Variants in CHRD observed in about 807,000 individuals in gnomAD.
The protein encoded by CHRD is chordin.
CHRD carries 69 observed loss-of-function variants against 113.7 expected under a neutral mutation model. That is an observed-to-expected ratio of 0.61 (90% CI 0.50 to 0.74). The LOEUF (loss-of-function observed/expected upper bound fraction) is 0.74, where lower values mean the gene tolerates loss of function less well. CHRD is among the 30% of genes least tolerant of loss of function. The pLI is 0.00. For synonymous variants in CHRD, 561 were observed against 540.8 expected (o/e 1.04, Z -0.52); for missense variants, 1,194 against 1,295.8 (o/e 0.92, Z 1.21).
rs1039753772 is a variant in CHRD at position 184,384,798 on chromosome 3, G to A, written c.1597+105G>A. ...GTGTCTTTCTTTGTGCCTAAGCTCC[G>A]GTTGCCATCTGAAGGTGGGGACATA... On this transcript the variant is annotated intron_variant, in intron 13 of 22. Transcript: ENST00000204604. The surrounding 1 kb of genome is among the most constrained non-coding windows in gnomAD (Gnocchi z 4.4). 13 of 1,419,808 alleles carry A rather than the reference G, an allele frequency of 9.2e-6. No homozygotes were observed. The highest frequency in any genetic ancestry group is 2.9e-5 in the African/African-American group (2 of 69,834). The allele number at this position is 1,419,808 out of a possible 1,614,324, so 88.0% of individuals were successfully genotyped here.
In CHRD at chr3:184,387,079, G is replaced by A; in HGVS notation, c.2319G>A (p.Gly773=). 1 of 1,614,174 alleles carries A rather than the reference G, an allele frequency of 6.2e-7. No individual in the cohort carries two copies. Among genetic ancestry groups the A allele is most frequent in the Non-Finnish European group, 8.5e-7 (1 of 1,180,002 alleles). The change falls in exon 18 of 23, where the codon GGG becomes GGA. Residue 773 remains glycine, a synonymous_variant. Transcript: ENST00000204604. The surrounding 1 kb of genome is among the most constrained non-coding windows in gnomAD (Gnocchi z 6.1). ...AACAAGATGTCAGAGACTTGCCAGG[G>A]CTGCCAAGGAGCCGGGACCCAGGAG...
chr3:184,388,365 A>G lies in CHRD; in HGVS notation c.2555-222A>G, dbSNP rs1367944036. Among the ~76,000 whole-genome samples the G allele has an allele frequency of 2.0e-5, 3 of 149,496 alleles. No homozygotes were observed. The highest frequency in any genetic ancestry group is 5.0e-5 in the African/African-American group (2 of 40,206). On this transcript the variant is annotated intron_variant, in intron 20 of 22. Coordinates refer to ENST00000204604, the Ensembl canonical transcript of CHRD. The surrounding 1 kb of genome is among the most constrained non-coding windows in gnomAD (Gnocchi z 6.1). ...CATGCATCCATCCATCCCTCCATCC[A>G]TCCACCCATCCACCCATTGATGCAT... is the stretch of plus-strand genomic sequence containing the variant.
rs3064288 is a variant in CHRD, at chr3:184,388,237, G to GTCCATCCATCCATCCA, written c.2554+236_2554+251dup. ...GTTCTGGTTCCTGCTCCATCCATCCGTCCATCCATCCATCCATCCATCCAT... is the reference window on the plus strand; with the variant it reads ...GTTCTGGTTCCTGCTCCATCCATCCGTCCATCCATCCATCCATCCATCCATCCATCCATCCATCCAT... On this transcript the variant is annotated intron_variant, in intron 20 of 22. Coordinates refer to ENST00000204604, the Ensembl canonical transcript of CHRD. The surrounding 1 kb of genome is among the most constrained non-coding windows in gnomAD (Gnocchi z 6.1). 7.2e-6 allele frequency among the ~76,000 whole-genome samples: 1 copy of GTCCATCCATCCATCCA among 138,066 alleles called. No homozygotes were observed. The highest frequency in any genetic ancestry group is 2.4e-4 in the South Asian group (1 of 4,200). The allele number at this position is 138,066 out of a possible 152,430, so 90.6% of individuals were successfully genotyped here.
intron 14 of CHRD, among the ~76,000 whole-genome samples, chr3:184,385,458 G>C (rs1427515305): frequency 6.6e-6 from 1 of 152,064 alleles, no homozygotes; most frequent in African/African-American, 2.4e-5. Flanking sequence ...CCTGAGGTAG[G>C]AAGCTCAAGA....
At chr3:184,385,099 A>T (rs1394255373) in exon 14 of CHRD, 1 of 1,614,148 alleles carries the variant, frequency 6.2e-7, no homozygotes. Context: ...CTTTCCTTGG[A>T]TACCCACTGT....
At position 184,381,484 on chromosome 3, in the gene CHRD, C is replaced by G. The variant is rs754172359; in HGVS notation, c.383-12C>G. ...CCAGCTGAAGCCCGTGTTCTTACCC[C>G]CCCGCCCGCAGAGCGCAGCAGTTCG... On this transcript the variant is annotated splice_polypyrimidine_tract_variant and intron_variant, in intron 3 of 22. Transcript: ENST00000204604. This position sits in a 1 kb window ranked among gnomAD's most constrained non-coding sequence, Gnocchi z 4.7. 6.9e-6 allele frequency: 11 copies of G among 1,584,690 alleles called. No homozygotes were observed. In the Admixed American group the frequency reaches 1.9e-4, roughly 28 times the overall value.
At position 184,380,479 on chromosome 3, in the gene CHRD, C is replaced by G; in HGVS notation, c.148+13C>G. On this transcript the variant is annotated intron_variant, in intron 1 of 22. Coordinates refer to ENST00000204604, the Ensembl canonical transcript of CHRD. This position sits in a 1 kb window ranked among gnomAD's most constrained non-coding sequence, Gnocchi z 6.3. ...CGGGGAGCGGCAGGTAGGTGGGCGC[C>G]CGGGGGAGGCGCGGGCGGGGAGTCG... is the stretch of plus-strand genomic sequence containing the variant. 8.5e-7 allele frequency: 1 copy of G among 1,172,638 alleles called. No individual in the cohort carries two copies. Among genetic ancestry groups the G allele is most frequent in the Non-Finnish European group, 1.1e-6 (1 of 947,926 alleles). The allele number at this position is 1,172,638 out of a possible 1,614,324, so 72.6% of individuals were successfully genotyped here.
In CHRD at chr3:184,380,621, C is replaced by G; in HGVS notation, c.149-71C>G. 7.8e-7 allele frequency: 1 copy of G among 1,281,880 alleles called. No homozygotes were observed. The highest frequency in any genetic ancestry group is 1.7e-5 in the South Asian group (1 of 57,738). 79.4% of individuals were successfully genotyped at this position (1,281,880 alleles called of 1,614,324 possible). On this transcript the variant is annotated intron_variant, in intron 1 of 22. Transcript: ENST00000204604. This position sits in a 1 kb window ranked among gnomAD's most constrained non-coding sequence, Gnocchi z 6.3. ...GGGCGCGGTGCCTGGGACCCGGGAC[C>G]CGCGGGCAGCCCCCGGGGCGGCACA... is the stretch of plus-strand genomic sequence containing the variant.
chr3:184,382,645 G>T (rs1278802269), exon 8 of CHRD: 2 of 1,613,264 alleles, frequency 1.2e-6, no homozygotes, highest in Non-Finnish European at 1.7e-6. Flanking sequence ...GACCTTCAGT[G>T]CCATCCTGAC....
rs1184862027 is a variant in CHRD at position 184,380,779 on chromosome 3, T to C, written c.236T>C (p.Leu79Pro). The change falls in exon 2 of 23, where the codon CTG becomes CCG. Residue 79 changes from leucine (L) to proline (P), a missense_variant. Physicochemically the swap from Leu to Pro is moderately conservative, Grantham distance 98. Transcript: ENST00000204604. The surrounding 1 kb of genome is among the most constrained non-coding windows in gnomAD (Gnocchi z 6.3). ...CCATTCGGGGTGATGCGCTGCGTGCTGTGCGCCTGCGAGGCGGTGAGTGCA... is the reference window on the plus strand; with the variant it reads ...CCATTCGGGGTGATGCGCTGCGTGCCGTGCGCCTGCGAGGCGGTGAGTGCA... 1 of 1,596,698 alleles carries C rather than the reference T, an allele frequency of 6.3e-7. No homozygotes were observed. Among genetic ancestry groups the C allele is most frequent in the South Asian group, 1.1e-5 (1 of 89,830 alleles).
In CHRD at chr3:184,387,125, G is replaced by A. The variant is rs375183273; in HGVS notation, c.2347+18G>A. ...AGGAGAGGGTGAGCTGGAAGGGTGC[G>A]TGCAGGGTGGGAGGCCCCAGAGGAG... On this transcript the variant is annotated intron_variant, in intron 18 of 22. Transcript: ENST00000204604. This position sits in a 1 kb window ranked among gnomAD's most constrained non-coding sequence, Gnocchi z 6.1. The A allele has an allele frequency of 6.2e-6, 10 of 1,611,718 alleles. No homozygotes were observed. Among genetic ancestry groups the A allele is most frequent in the African/African-American group, 2.7e-5 (2 of 74,890 alleles).
Position 184,380,607 on chromosome 3 carries a change from C to T in CHRD, c.149-85C>T. The T allele has an allele frequency of 8.3e-7, 1 of 1,208,258 alleles. No homozygotes were observed. Among genetic ancestry groups the T allele is most frequent in the South Asian group, 2.0e-5 (1 of 50,192 alleles). The allele number at this position is 1,208,258 out of a possible 1,614,324, so 74.8% of individuals were successfully genotyped here. On this transcript the variant is annotated intron_variant, in intron 1 of 22. Coordinates refer to ENST00000204604, the Ensembl canonical transcript of CHRD. The surrounding 1 kb of genome is among the most constrained non-coding windows in gnomAD (Gnocchi z 6.3). ...GGGCGGGGGCAGAAGGGCGCGGTGC[C>T]TGGGACCCGGGACCCGCGGGCAGCC...
At position 184,380,191 on chromosome 3, in the gene CHRD, C is replaced by A. The variant is rs1301828226; in HGVS notation, c.-128C>A. The stretch of plus-strand genomic sequence containing the variant: ...TCGCGGCACTGCCCCGGCCCCGGCC[C>A]CGGCCCCGGCCCCCTCCCGCCGCAC... On this transcript the variant is annotated 5_prime_UTR_variant, in exon 1 of 23. Transcript: ENST00000204604. This position sits in a 1 kb window ranked among gnomAD's most constrained non-coding sequence, Gnocchi z 6.3. 5.2e-6 allele frequency: 1 copy of A among 193,020 alleles called. No individual in the cohort carries two copies. The highest frequency in any genetic ancestry group is 9.5e-6 in the Non-Finnish European group (1 of 104,752). 12.0% of individuals were successfully genotyped at this position (193,020 alleles called of 1,614,324 possible). A position where few individuals can be genotyped will look rare whatever the true frequency, so the allele number is the denominator to read the frequency against.
At chr3:184,390,182 C>T (rs1348424036), downstream of CHRD, 2 of 141,954 alleles carry the variant, frequency 1.4e-5, no homozygotes, top group Non-Finnish European at 3.1e-5. Context: ...CCCTTCCCTT[C>T]CCTTTCTTTC....
At position 184,380,311 on chromosome 3, in the gene CHRD, T is replaced by G. The variant is rs1715075401; in HGVS notation, c.-8T>G. ...CCCTCCCTCCTCCCCAGCTGTCCCGTTCGCGTCATGCCGAGCCTCCCGGCC... is the reference window on the plus strand; with the variant it reads ...CCCTCCCTCCTCCCCAGCTGTCCCGGTCGCGTCATGCCGAGCCTCCCGGCC... On this transcript the variant is annotated 5_prime_UTR_variant, in exon 1 of 23. Transcript: ENST00000204604. The surrounding 1 kb of genome is among the most constrained non-coding windows in gnomAD (Gnocchi z 6.3). The G allele has an allele frequency of 1.3e-5, 16 of 1,201,894 alleles. No individual in the cohort carries two copies. Among genetic ancestry groups the G allele is most frequent in the East Asian group, 6.6e-5 (1 of 15,166 alleles). The allele number at this position is 1,201,894 out of a possible 1,614,324, so 74.5% of individuals were successfully genotyped here. A position where few individuals can be genotyped will look rare whatever the true frequency, so the allele number is the denominator to read the frequency against.
exon 16 of CHRD, chr3:184,386,539 G>GGCC: frequency 6.5e-7 from 1 of 1,534,988 alleles, no homozygotes; most frequent in African/African-American, 1.4e-5. Flanking sequence ...GCCTGGAGGC[G>GGCC]GCCGGGGCCG....
rs1168180960 is a variant in CHRD, at chr3:184,380,339, G to A, written c.21G>A (p.Pro7=). The A allele has an allele frequency of 8.5e-6, 11 of 1,292,402 alleles. No homozygotes were observed. Among genetic ancestry groups the A allele is most frequent in the South Asian group, 1.5e-5 (1 of 66,612 alleles). 80.1% of individuals were successfully genotyped at this position (1,292,402 alleles called of 1,614,324 possible). The change falls in exon 1 of 23, where the codon CCG becomes CCA. Residue 7 remains proline, a synonymous_variant. Transcript: ENST00000204604. The surrounding 1 kb of genome is among the most constrained non-coding windows in gnomAD (Gnocchi z 6.3). The stretch of plus-strand genomic sequence containing the variant: ...GCGTCATGCCGAGCCTCCCGGCCCC[G>A]CCGGCCCCGCTGCTGCTCCTCGGGC...
chr3:184,383,999 T>A (rs1283456434), intron 12 of CHRD, among the ~76,000 whole-genome samples: 3 of 152,102 alleles, frequency 2.0e-5, no homozygotes, highest in African/African-American at 7.2e-5. Flanking sequence ...ATGGTCTTGA[T>A]CTCTTGACCT....
At chr3:184,383,494 C>T in intron 11 of CHRD, 29 bp from the exon 12 acceptor site, 2 of 1,613,460 alleles carry the variant, frequency 1.2e-6, no homozygotes, top group Non-Finnish European at 1.7e-6. Context: ...TGCCTCTCCA[C>T]TTTGCCCTCC....
Sources: allele counts gnomAD v4.1 joint callset (sites outside exome capture counted in the v4.1 genomes callset), GRCh38; gene constraint gnomAD v4.1.1; non-coding constraint Gnocchi (gnomAD v3.1); transcripts MANE v1.5; gene names NCBI Gene and HGNC (gene_info 2026-07-23, HGNC 2026-07-21).